RYR3: variants seen among roughly 807,000 people sequenced by gnomAD.
The protein encoded by RYR3 is brain ryanodine receptor-calcium release channel.
In RYR3, 207 loss-of-function variants were observed where a neutral mutation model predicts 584.3. The ratio of observed to expected loss-of-function variants is 0.35; its 90% CI spans 0.32 to 0.40. The LOEUF (loss-of-function observed/expected upper bound fraction) is 0.40, where lower values mean the gene tolerates loss of function less well. Ranked by LOEUF, RYR3 falls within the 10% of genes least tolerant of loss-of-function variation. RYR3 has a pLI of 1.00. For missense variants in RYR3, 5,616 were observed against 6,089.2 expected (o/e 0.92, Z 2.59); for synonymous variants, 2,416 against 2,248.5 (o/e 1.07, Z -2.11).
intron 3 of RYR3, among the ~76,000 whole-genome samples, chr15:33,528,612 T>G (rs937117221): frequency 1.3e-5 from 2 of 152,218 alleles, no homozygotes; most frequent in African/African-American, 4.8e-5. Flanking sequence ...AGCACATAGT[T>G]AAGTGCCCTC....
intron 10 of RYR3, among the ~76,000 whole-genome samples, chr15:33,554,137 C>T (rs1393190058): frequency 1.3e-5 from 2 of 151,968 alleles, no homozygotes; most frequent in East Asian, 3.9e-4. Flanking sequence ...ACTGGGAGGC[C>T]CTGGATGACA....
In RYR3 at chr15:33,696,406, C is replaced by T; in HGVS notation, c.6049C>T (p.Leu2017=). The T allele has an allele frequency of 1.2e-6, 2 of 1,613,938 alleles. No homozygotes were observed. The highest frequency in any genetic ancestry group is 1.7e-6 in the Non-Finnish European group (2 of 1,179,874). ...CACCTCTGTAAGCGACACCATCAACCTGCTGGCTGCCCTGGGCCAAATCCG... is the reference window on the plus strand; with the variant it reads ...CACCTCTGTAAGCGACACCATCAACTTGCTGGCTGCCCTGGGCCAAATCCG... ...SHTSVSDTIN[L]LAALGQIRSL... The change falls in exon 39 of 104, where the codon CTG becomes TTG. Residue 2017 remains leucine, a synonymous_variant. Transcript: ENST00000634891.
intron 29 of RYR3, 102 bp downstream of exon 29, chr15:33,646,628 G>A (rs1254496039): frequency 9.6e-7 from 1 of 1,041,646 alleles, no homozygotes; most frequent in Non-Finnish European, 1.4e-6. Context: ...CCACTGATAG[G>A]GTTCTCTCTG....
intron 3 of RYR3, among the ~76,000 whole-genome samples, chr15:33,518,579 A>C (rs570458233): frequency 1.3e-5 from 2 of 152,174 alleles, no homozygotes; most frequent in African/African-American, 4.8e-5. Context: ...TGTCAGCCCC[A>C]GTCGGTTATC....
intron 102 of RYR3, 46 bp downstream of exon 102, chr15:33,861,224 T>G (rs771721351): frequency 1.5e-6 from 2 of 1,378,908 alleles, no homozygotes; most frequent in East Asian, 5.0e-5. Flanking sequence ...GTAGCGTAAA[T>G]AAAGCCAATT....
intron 1 of RYR3, among the ~76,000 whole-genome samples, chr15:33,455,289 C>T (rs1367547289): frequency 6.6e-6 from 1 of 151,890 alleles, no homozygotes; most frequent in African/African-American, 2.4e-5. Context: ...TCCAAAGGAC[C>T]GGCAGCCTGC....
chr15:33,449,759 A>G (rs931461855), intron 1 of RYR3, among the ~76,000 whole-genome samples: 4 of 152,150 alleles, frequency 2.6e-5, no homozygotes, highest in African/African-American at 9.7e-5. Context: ...GGCAAGGTGT[A>G]TAGGGTAGGT....
intron 12 of RYR3, among the ~76,000 whole-genome samples, chr15:33,579,570 A>T (rs2058488813): frequency 6.6e-6 from 1 of 152,310 alleles, no homozygotes; most frequent in South Asian, 2.1e-4. Context: ...TGGAAGGGGA[A>T]GCATCTGCTA....
chr15:33,722,277 T>C (rs1043570759), intron 43 of RYR3, among the ~76,000 whole-genome samples: 4 of 152,182 alleles, frequency 2.6e-5, no homozygotes, highest in African/African-American at 9.7e-5. Flanking sequence ...TGTGAATGAA[T>C]CAGTATTCCA....
intron 43 of RYR3, among the ~76,000 whole-genome samples, chr15:33,710,796 GC>G (rs2067053951): frequency 6.6e-6 from 1 of 152,196 alleles, no homozygotes; most frequent in Non-Finnish European, 1.5e-5. Context: ...CTCCAAAGTG[GC>G]AGCCCAAGTT....
At chr15:33,445,664 A>ACACAC (rs2046582595) in intron 1 of RYR3, among the ~76,000 whole-genome samples, 5 of 106,006 alleles carry the variant, frequency 4.7e-5, no homozygotes, top group East Asian at 2.7e-4. Context: ...TTCCCCCACC[A>ACACAC]ACACACACAC....
chr15:33,517,268 C>T (rs1395757598), intron 3 of RYR3, among the ~76,000 whole-genome samples: 1 of 152,246 alleles, frequency 6.6e-6, no homozygotes, highest in East Asian at 1.9e-4. Context: ...GCTGGGATTA[C>T]AGGTGTGAGC....
intron 1 of RYR3, among the ~76,000 whole-genome samples, chr15:33,357,298 T>C (rs1291048426): frequency 1.3e-5 from 2 of 152,158 alleles, no homozygotes; most frequent in Non-Finnish European, 2.9e-5. Flanking sequence ...AAAACAGCAA[T>C]CCTGTCCTTT....
chr15:33,825,077 C>G (rs1213583502), intron 81 of RYR3, among the ~76,000 whole-genome samples: 1 of 152,168 alleles, frequency 6.6e-6, no homozygotes, highest in African/African-American at 2.4e-5. Flanking sequence ...CTTCCATAGG[C>G]TTTTGCATGA....
chr15:33,392,199 CAA>C (rs5811756), intron 1 of RYR3, among the ~76,000 whole-genome samples: 19,468 of 138,202 alleles, frequency 0.14, 2,095 homozygotes, highest in African/African-American at 0.32. Flanking sequence ...GGTAAGCCCT[CAA>C]AAAAAAAAAA....
Position 33,432,180 on chromosome 15 carries a change from G to A in RYR3, c.52-41239G>A, listed in dbSNP as rs1415010077. 4.6e-5 allele frequency among the ~76,000 whole-genome samples: 7 copies of A among 152,248 alleles called. No homozygotes were observed. In the East Asian group the frequency reaches 9.7e-4, roughly 21 times the overall value. The stretch of plus-strand genomic sequence containing the variant: ...GAATAGTTTTTTGGAGAAAGCCAAG[G>A]TAAGCATCACAAGCAGGAGCTTGTG... On this transcript the variant is annotated intron_variant, in intron 1 of 103. Transcript: ENST00000634891.
intron 2 of RYR3, among the ~76,000 whole-genome samples, chr15:33,503,234 A>G (rs573126222): frequency 6.6e-6 from 1 of 152,300 alleles, no homozygotes; most frequent in African/African-American, 2.4e-5. Context: ...GAGCCACATT[A>G]TGGTCTGTCC....
chr15:33,582,246 G>A (rs2058631673), intron 14 of RYR3, among the ~76,000 whole-genome samples: 1 of 152,214 alleles, frequency 6.6e-6, no homozygotes, highest in African/African-American at 2.4e-5. Flanking sequence ...GACAGTATGA[G>A]CCTGTGCAAG....
rs140204362 is a variant in RYR3, at chr15:33,677,439, C to T, written c.5860+6883C>T. Among the ~76,000 whole-genome samples, 683 of 152,326 alleles carry T rather than the reference C, an allele frequency of 4.5e-3. 4 individuals are homozygous for T. The highest frequency in any genetic ancestry group is 9.6e-3 in the African/African-American group (400 of 41,574). On this transcript the variant is annotated intron_variant, in intron 38 of 103. Coordinates refer to ENST00000634891, the MANE Select transcript of RYR3 (RefSeq NM_001036.6). ...CATCTCTCCCTAACACATCAGCAGA[C>T]GCCCTCTGTCCTCACTGTGCTCTTT... is the stretch of plus-strand genomic sequence containing the variant.
Sources: gnomAD v4.1 joint callset for allele counts (sites outside exome capture counted in the v4.1 genomes callset) on GRCh38, gnomAD v4.1.1 for gene constraint, MANE v1.5 for transcripts, NCBI Gene and HGNC (gene_info 2026-07-23, HGNC 2026-07-21) for gene names.